The following PACRG variants were observed in gnomAD, a reference collection of about 807,000 sequenced individuals.
PACRG encodes the protein parkin coregulated.
A neutral mutation model predicts 29.7 loss-of-function variants in PACRG; 29 were observed. That is an observed-to-expected ratio of 0.98 (90% confidence interval 0.73 to 1.33). The LOEUF (loss-of-function observed/expected upper bound fraction) is 1.33. PACRG is among the 40% of genes most tolerant of loss of function. The pLI, the probability that PACRG is intolerant of heterozygous loss-of-function variation, is 0.00. For synonymous variants in PACRG, 116 were observed against 118.7 expected (o/e 0.98, Z 0.15); for missense variants, 279 against 316.2 (o/e 0.88, Z 0.89).
At chr6:162,970,417 C>G (rs1266484883) in intron 2 of PACRG, among the ~76,000 whole-genome samples, 1 of 152,066 alleles carries the variant, frequency 6.6e-6, no homozygotes, top group African/African-American at 2.4e-5. Flanking sequence ...TTGAACGTGC[C>G]GGGGACCACC....
At chr6:163,180,294 C>T (rs574610318) in intron 4 of PACRG, among the ~76,000 whole-genome samples, 1 of 152,280 alleles carries the variant, frequency 6.6e-6, no homozygotes, top group South Asian at 2.1e-4. Context: ...CAGTTCTCTC[C>T]ATTTGTGTTT....
chr6:162,885,176 A>G (rs1794223858), intron 2 of PACRG, among the ~76,000 whole-genome samples: 2 of 151,634 alleles, frequency 1.3e-5, no homozygotes. Context: ...GGGATTATAA[A>G]CCATGAAGAA....
intron 4 of PACRG, among the ~76,000 whole-genome samples, chr6:163,277,435 C>T (rs764868970): frequency 1.3e-5 from 2 of 149,830 alleles, no homozygotes; most frequent in African/African-American, 2.5e-5. Context: ...GTCGTTATTT[C>T]GTTCCTTTTT....
chr6:163,141,176 G>C (rs1330961360), intron 4 of PACRG, among the ~76,000 whole-genome samples: 1 of 151,792 alleles, frequency 6.6e-6, no homozygotes, highest in African/African-American at 2.4e-5. Flanking sequence ...CGAGTGCTGA[G>C]AAAAAACAAA....
intron 4 of PACRG, among the ~76,000 whole-genome samples, chr6:163,273,136 G>A (rs977713399): frequency 1.1e-4 from 16 of 146,320 alleles, no homozygotes; most frequent in African/African-American, 2.5e-4. Context: ...CTCGTGATCC[G>A]CCCGCCTCGG....
chr6:163,262,112 A>G (rs754725686), intron 4 of PACRG, among the ~76,000 whole-genome samples: 4 of 152,224 alleles, frequency 2.6e-5, no homozygotes, highest in Non-Finnish European at 4.4e-5. Context: ...ATGAAAGTAG[A>G]GGGCAAAGCA....
intron 2 of PACRG, among the ~76,000 whole-genome samples, chr6:162,927,765 C>T (rs568137869): frequency 5.2e-4 from 79 of 152,154 alleles, no homozygotes; most frequent in African/African-American, 1.8e-3. Context: ...CAAACCTGCA[C>T]ATTCTGCACA....
chr6:163,275,790 C>T (rs1240422794), intron 4 of PACRG, among the ~76,000 whole-genome samples: 1 of 152,036 alleles, frequency 6.6e-6, no homozygotes, highest in Non-Finnish European at 1.5e-5. Flanking sequence ...TCCAACTAAG[C>T]TCTCAAGAAT....
In PACRG at chr6:163,172,018, T is replaced by C. The variant is rs180672823; in HGVS notation, c.613+82610T>C. Among the ~76,000 whole-genome samples, 98 of 152,364 alleles carry C rather than the reference T, an allele frequency of 6.4e-4. 1 individual carries two copies. In the East Asian group the frequency reaches 0.011, roughly 17 times the overall value. On this transcript the variant is annotated intron_variant, in intron 4 of 4. Transcript: ENST00000366888. ...ATGGACCTGCCCCCAGCTAGGGCCCTGTCTACCTGGGGTCTGGCCCCGTAA... is the reference window on the plus strand; with the variant it reads ...ATGGACCTGCCCCCAGCTAGGGCCCCGTCTACCTGGGGTCTGGCCCCGTAA...
chr6:162,948,292 G>A (rs922918178), intron 2 of PACRG, among the ~76,000 whole-genome samples: 10 of 151,998 alleles, frequency 6.6e-5, no homozygotes, highest in Non-Finnish European at 1.0e-4. Context: ...CATACATAGG[G>A]GGAAAACACA....
intron 1 of PACRG, among the ~76,000 whole-genome samples, chr6:162,813,278 A>G (rs115573005): frequency 0.02 from 3,109 of 152,168 alleles, 107 homozygotes; most frequent in African/African-American, 0.069. Context: ...TTAAGCTAAT[A>G]TATAAAATGA....
intron 2 of PACRG, among the ~76,000 whole-genome samples, chr6:163,049,831 T>C (rs942717763): frequency 1.3e-5 from 2 of 152,132 alleles, no homozygotes; most frequent in African/African-American, 4.8e-5. Context: ...TTATTTTTTA[T>C]AGAAATGTAA....
chr6:162,801,352 G>GC (rs375100222), intron 1 of PACRG, among the ~76,000 whole-genome samples: 2,939 of 151,914 alleles, frequency 0.019, 96 homozygotes, highest in African/African-American at 0.065. Flanking sequence ...CAGGTGATCC[G>GC]CCCCCCTTGG....
chr6:163,282,260 C>G (rs1784248641), intron 4 of PACRG, among the ~76,000 whole-genome samples: 1 of 152,140 alleles, frequency 6.6e-6, no homozygotes, highest in South Asian at 2.1e-4. Context: ...TTTCCCACCC[C>G]ACCAAGTAAT....
intron 2 of PACRG, among the ~76,000 whole-genome samples, chr6:162,912,482 T>G (rs1796370216): frequency 6.6e-6 from 1 of 152,184 alleles, no homozygotes; most frequent in Non-Finnish European, 1.5e-5. Flanking sequence ...CTTTGTAACT[T>G]CTGCCACTGT....
intron 2 of PACRG, among the ~76,000 whole-genome samples, chr6:162,916,723 T>G (rs1404418775): frequency 6.6e-6 from 1 of 152,148 alleles, no homozygotes; most frequent in Non-Finnish European, 1.5e-5. Context: ...GATGCTATCT[T>G]CTCCTTGTTT....
intron 2 of PACRG, among the ~76,000 whole-genome samples, chr6:162,932,105 TTAACA>T (rs1195662092): frequency 6.6e-6 from 1 of 151,950 alleles, no homozygotes; most frequent in East Asian, 1.9e-4. Context: ...ACTGACACAC[TTAACA>T]GCATGGATGC....
chr6:162,930,049 C>G (rs1481063448), intron 2 of PACRG, among the ~76,000 whole-genome samples: 1 of 151,384 alleles, frequency 6.6e-6, no homozygotes, highest in Non-Finnish European at 1.5e-5. Flanking sequence ...GGTATTTTCT[C>G]TGCTCAAGAT....
chr6:163,227,916 C>G (rs1006125370), intron 4 of PACRG, among the ~76,000 whole-genome samples: 1 of 152,080 alleles, frequency 6.6e-6, no homozygotes, highest in Non-Finnish European at 1.5e-5. Context: ...GTCGAAAAAA[C>G]TAATTTCAGC....
Sources: gnomAD v4.1 joint callset for allele counts (sites outside exome capture counted in the v4.1 genomes callset) on GRCh38, gnomAD v4.1.1 for gene constraint, MANE v1.5 for transcripts, NCBI Gene and HGNC (gene_info 2026-07-23, HGNC 2026-07-21) for gene names.